ANO3: variants seen among roughly 807,000 people sequenced by gnomAD.
ANO3 encodes the protein anoctamin-3.
In ANO3, 99 loss-of-function variants were observed where a neutral mutation model predicts 144.8. The ratio of observed to expected loss-of-function variants is 0.68; its 90% CI spans 0.58 to 0.81. The LOEUF (loss-of-function observed/expected upper bound fraction) is 0.81, where lower values mean the gene tolerates loss of function less well. ANO3 is among the 30% of genes least tolerant of loss of function. ANO3 has a pLI of 0.00. For missense variants in ANO3, 905 were observed against 1,202.2 expected (o/e 0.75, Z 3.66); for synonymous variants, 414 against 392.6 (o/e 1.05, Z -0.64).
At chr11:26,629,452 C>A (rs61878611) in intron 18 of ANO3, among the ~76,000 whole-genome samples, 4,652 of 152,062 alleles carry the variant, frequency 0.031, 100 homozygotes, top group Non-Finnish European at 0.049. Context: ...ATTCTTACGG[C>A]CAAGAATTGA....
At chr11:26,194,856 G>A (rs749035491) in intron 1 of ANO3, among the ~76,000 whole-genome samples, 25 of 151,998 alleles carry the variant, frequency 1.6e-4, no homozygotes, top group African/African-American at 3.9e-4. Flanking sequence ...GTGAGCCACC[G>A]TGTCCAGCCA....
chr11:26,531,183 C>A, intron 7 of ANO3, 22 bp from the exon 8 acceptor site: 2 of 1,613,300 alleles, frequency 1.2e-6, no homozygotes, highest in Non-Finnish European at 1.7e-6. Flanking sequence ...TAATCTAGTT[C>A]TCAAATGTGA....
intron 14 of ANO3, among the ~76,000 whole-genome samples, chr11:26,563,854 C>T (rs1354754498): frequency 2.0e-5 from 3 of 151,860 alleles, no homozygotes; most frequent in African/African-American, 4.8e-5. Context: ...CCTGAGCTTA[C>T]GGGAGTTCAA....
chr11:26,200,558 C>T (rs1043556880), intron 1 of ANO3, among the ~76,000 whole-genome samples: 1 of 152,100 alleles, frequency 6.6e-6, no homozygotes, highest in Non-Finnish European at 1.5e-5. Context: ...ACAAGGCCAA[C>T]GTGGTTTATG....
intron 4 of ANO3, among the ~76,000 whole-genome samples, chr11:26,482,086 C>G (rs1860240898): frequency 6.6e-6 from 1 of 151,788 alleles, no homozygotes; most frequent in African/African-American, 2.4e-5. Flanking sequence ...CTCTTAGAGA[C>G]AGAGTCTCAC....
chr11:26,236,887 A>G (rs1452504720), intron 1 of ANO3, among the ~76,000 whole-genome samples: 1 of 151,906 alleles, frequency 6.6e-6, no homozygotes, highest in South Asian at 2.1e-4. Context: ...TTAGCTATCT[A>G]TACCACATTA....
intron 4 of ANO3, among the ~76,000 whole-genome samples, chr11:26,502,390 A>G (rs184415071): frequency 6.6e-6 from 1 of 152,302 alleles, no homozygotes; most frequent in African/African-American, 2.4e-5. Context: ...TAGGCTAAGT[A>G]GTGAAGTTAA....
chr11:26,540,905 A>G (rs1565091282), intron 10 of ANO3, among the ~76,000 whole-genome samples: 1 of 152,176 alleles, frequency 6.6e-6, no homozygotes, highest in Non-Finnish European at 1.5e-5. Context: ...TCAAGGATCT[A>G]GAACCAGAAA....
chr11:26,434,678 T>G (rs543459568), intron 1 of ANO3, among the ~76,000 whole-genome samples: 56 of 152,274 alleles, frequency 3.7e-4, no homozygotes, highest in African/African-American at 1.3e-3. Context: ...TTAATTTCAC[T>G]TACCTAAAAG....
intron 6 of ANO3, among the ~76,000 whole-genome samples, chr11:26,518,656 A>G (rs1053658897): frequency 6.6e-6 from 1 of 152,036 alleles, no homozygotes; most frequent in Non-Finnish European, 1.5e-5. Flanking sequence ...TTAATATGTT[A>G]TTAGCGGATA....
At chr11:26,457,864 T>C (rs1403742464) in intron 3 of ANO3, among the ~76,000 whole-genome samples, 1 of 152,178 alleles carries the variant, frequency 6.6e-6, no homozygotes, top group Non-Finnish European at 1.5e-5. Context: ...ACTGTAACTG[T>C]TACCACCTGT....
chr11:26,510,132 C>CAAAAAA (rs67543168), intron 5 of ANO3, among the ~76,000 whole-genome samples: 7 of 46,568 alleles, frequency 1.5e-4, no homozygotes, highest in Non-Finnish European at 2.9e-4. Flanking sequence ...GACTCCATCT[C>CAAAAAA]AAAAAAAAAA....
chr11:26,330,729 A>G (rs576427535), upstream of ANO3, among the ~76,000 whole-genome samples: 13 of 152,354 alleles, frequency 8.5e-5, no homozygotes, highest in South Asian at 2.7e-3. Flanking sequence ...TTATGCATCC[A>G]TAAATAATTG....
intron 18 of ANO3, among the ~76,000 whole-genome samples, chr11:26,625,190 G>T (rs1309271994): frequency 6.6e-6 from 1 of 152,226 alleles, no homozygotes; most frequent in Non-Finnish European, 1.5e-5. Context: ...CTCCCAAAAT[G>T]CTGGGATTAC....
intron 1 of ANO3, among the ~76,000 whole-genome samples, chr11:26,283,459 C>T (rs1032383458): frequency 1.3e-5 from 2 of 149,710 alleles, no homozygotes; most frequent in Admixed American, 6.7e-5. Context: ...GCTCTCCAAG[C>T]CTGAGAAGAC....
upstream of ANO3, chr11:26,309,533 C>T (rs1854459979): frequency 2.8e-6 from 1 of 361,852 alleles, no homozygotes; most frequent in Non-Finnish European, 3.8e-6. Context: ...AGTTATACTG[C>T]AGCTATAGTC....
intron 1 of ANO3, among the ~76,000 whole-genome samples, chr11:26,426,752 T>C (rs1335626168): frequency 6.6e-6 from 1 of 152,150 alleles, no homozygotes; most frequent in Non-Finnish European, 1.5e-5. Flanking sequence ...AACAAAAATA[T>C]GGTCACCTAT....
At chr11:26,623,089 A>G (rs974523569) in intron 17 of ANO3, among the ~76,000 whole-genome samples, 1 of 152,192 alleles carries the variant, frequency 6.6e-6, no homozygotes, top group African/African-American at 2.4e-5. Flanking sequence ...AAATTTGAAA[A>G]TTATAGTTTG....
At chr11:26,588,502 C>A (rs552032695) in intron 14 of ANO3, among the ~76,000 whole-genome samples, 17 of 152,128 alleles carry the variant, frequency 1.1e-4, no homozygotes, top group Non-Finnish European at 2.4e-4. Context: ...GAGAAAGATT[C>A]AATATATTTT....
Sources: allele counts gnomAD v4.1 joint callset (sites outside exome capture counted in the v4.1 genomes callset), GRCh38; gene constraint gnomAD v4.1.1; transcripts MANE v1.5; gene names NCBI Gene and HGNC (gene_info 2026-07-23, HGNC 2026-07-21).